TNS3: variants seen among roughly 807,000 people sequenced by gnomAD.
TNS3 encodes tensin 3, also known as tensin-3.
Under a neutral mutation model 140.9 loss-of-function variants are expected in TNS3, and 45 were observed. That is an observed-to-expected ratio of 0.32 (90% confidence interval 0.25 to 0.41). The LOEUF (loss-of-function observed/expected upper bound fraction) is 0.41, where lower values mean the gene tolerates loss of function less well. Ranked by LOEUF, TNS3 falls within the 10% of genes least tolerant of loss-of-function variation. The pLI is 1.00. For missense variants in TNS3, 1,716 were observed against 1,906.7 expected, an observed-to-expected ratio of 0.90 and a Z score of 1.86; for synonymous variants, 815 against 788.4, an observed-to-expected ratio of 1.03 and a Z score of -0.56.
chr7:47,410,406 G>C (rs1793701894), intron 13 of TNS3, among the ~76,000 whole-genome samples: 1 of 152,218 alleles, frequency 6.6e-6, no homozygotes, highest in African/African-American at 2.4e-5. Context: ...TCAATGCCTT[G>C]AAAAGGGCTG....
At chr7:47,453,462 T>C (rs1057346264) in intron 4 of TNS3, among the ~76,000 whole-genome samples, 1 of 152,110 alleles carries the variant, frequency 6.6e-6, no homozygotes, top group African/African-American at 2.4e-5. Context: ...CCACTGGCCT[T>C]CCTCCCTCCC....
intron 3 of TNS3, among the ~76,000 whole-genome samples, chr7:47,502,740 G>C (rs1168885018): frequency 6.6e-6 from 1 of 152,214 alleles, no homozygotes; most frequent in Non-Finnish European, 1.5e-5. Context: ...CGTAGCACCG[G>C]GACAGTGGAA....
rs569050728 is a variant in TNS3 at position 47,395,957 on chromosome 7, C to A, written c.1024+843G>T. Among the ~76,000 whole-genome samples the A allele has an allele frequency of 3.9e-5, 6 of 152,352 alleles. No individual in the cohort carries two copies. In the South Asian group the frequency reaches 6.2e-4, roughly 16 times the overall value. The stretch of plus-strand genomic sequence containing the variant: ...TGTCCTTTCTCACTAACCACAGACA[C>A]CCCCTTCCTGGAGTCATGGGAAGCT... On this transcript the variant is annotated intron_variant, in intron 16 of 30. Coordinates refer to ENST00000311160, the MANE Select transcript of TNS3 (RefSeq NM_022748.12).
chr7:47,468,483 C>G (rs921672040), intron 4 of TNS3, among the ~76,000 whole-genome samples: 1 of 151,758 alleles, frequency 6.6e-6, no homozygotes, highest in African/African-American at 2.4e-5. Context: ...TTTAATGTTC[C>G]CCTTCAGTAG....
At chr7:47,541,709 G>A (rs1382728183) in intron 1 of TNS3, among the ~76,000 whole-genome samples, 2 of 152,188 alleles carry the variant, frequency 1.3e-5, no homozygotes, top group East Asian at 3.9e-4. Flanking sequence ...AGCACTTTGT[G>A]AGGCTGAGGC....
chr7:47,401,230 C>T (rs1793145057), intron 13 of TNS3, among the ~76,000 whole-genome samples: 1 of 152,222 alleles, frequency 6.6e-6, no homozygotes, highest in African/African-American at 2.4e-5. Context: ...ACACCTAAAC[C>T]CTTTCAGACC....
chr7:47,459,161 T>C (rs893399123), intron 4 of TNS3, among the ~76,000 whole-genome samples: 8 of 152,212 alleles, frequency 5.3e-5, no homozygotes, highest in Non-Finnish European at 1.0e-4. Flanking sequence ...TTTCCCACTC[T>C]TATGAATGAT....
intron 1 of TNS3, among the ~76,000 whole-genome samples, chr7:47,564,635 C>CAAAAAAAAAAAAA (rs749603752): frequency 6.3e-4 from 19 of 30,198 alleles, no homozygotes; most frequent in Non-Finnish European, 7.7e-4. Flanking sequence ...GACTCCGTCT[C>CAAAAAAAAAAAAA]AAAAAAAAAA....
At chr7:47,510,383 G>C (rs1798565205) in intron 2 of TNS3, among the ~76,000 whole-genome samples, 1 of 152,176 alleles carries the variant, frequency 6.6e-6, no homozygotes, top group African/African-American at 2.4e-5. Context: ...CTCCTTTTTG[G>C]AATAGCAGTT....
At chr7:47,496,898 G>T (rs1400349022) in intron 3 of TNS3, among the ~76,000 whole-genome samples, 1 of 152,212 alleles carries the variant, frequency 6.6e-6, no homozygotes, top group Non-Finnish European at 1.5e-5. Context: ...CAGGAGGCTG[G>T]GGGGAGTAGA....
At chr7:47,474,117 AACACACACAC>A (rs35049083) in intron 4 of TNS3, among the ~76,000 whole-genome samples, 1 of 145,424 alleles carries the variant, frequency 6.9e-6, no homozygotes, top group African/African-American at 2.6e-5. Flanking sequence ...AGCAAGTCTC[AACACACACAC>A]ACACACACAC....
At chr7:47,485,441 G>A (rs1797576652) in intron 3 of TNS3, among the ~76,000 whole-genome samples, 1 of 152,212 alleles carries the variant, frequency 6.6e-6, no homozygotes, top group Non-Finnish European at 1.5e-5. Flanking sequence ...GACTCCAGCT[G>A]GTGCCCCAGC....
chr7:47,389,076 A>AGAAAGAGGAAGCGGAAGC (rs1792306465), intron 16 of TNS3, among the ~76,000 whole-genome samples: 1 of 58,282 alleles, frequency 1.7e-5, no homozygotes, highest in African/African-American at 7.8e-5. Context: ...GAAGAAGAAG[A>AGAAAGAGGAAGCGGAAGC]AGAAGAAGAG....
chr7:47,290,400 G>A (rs1785632936), intron 27 of TNS3, among the ~76,000 whole-genome samples: 1 of 152,112 alleles, frequency 6.6e-6, no homozygotes, highest in Non-Finnish European at 1.5e-5. Flanking sequence ...CTCTGTAGAA[G>A]AATGAAAAGG....
chr7:47,430,947 T>C (rs1794901678), intron 8 of TNS3, among the ~76,000 whole-genome samples: 1 of 152,032 alleles, frequency 6.6e-6, no homozygotes, highest in South Asian at 2.1e-4. Context: ...GGTCTCGAAC[T>C]CCTGACCTCA....
At chr7:47,540,337 C>T (rs1174655226) in intron 1 of TNS3, among the ~76,000 whole-genome samples, 1 of 152,128 alleles carries the variant, frequency 6.6e-6, no homozygotes, top group Non-Finnish European at 1.5e-5. Context: ...ATCAGCAAAC[C>T]AGCCATCAGG....
rs1395075750 is a variant in TNS3, at chr7:47,303,559, C to G, written c.2848G>C (p.Val950Leu). ...ESSSSAERQW[V>L]ESSPKPMVSL... ...ACCATGGGCTTGGGGCTGCTCTCCA[C>G]CCACTGGCGTTCTGCAGAAGAGGAG... is the stretch of plus-strand genomic sequence containing the variant. Residue 950 changes from valine to leucine, a missense_variant, in exon 22 of 31, where the codon GTG (valine) becomes CTG (leucine). This residue lies in a region of TNS3 where 1,163 missense variants were observed against 1,182.1 expected (regional missense o/e 0.98). Coordinates refer to ENST00000311160, the MANE Select transcript of TNS3 (RefSeq NM_022748.12). 6.3e-7 allele frequency: 1 copy of G among 1,598,980 alleles called. No individual in the cohort carries two copies. The highest frequency in any genetic ancestry group is 8.5e-7 in the Non-Finnish European group (1 of 1,177,012).
At chr7:47,466,692 A>C (rs1197519213) in intron 4 of TNS3, among the ~76,000 whole-genome samples, 1 of 152,182 alleles carries the variant, frequency 6.6e-6, no homozygotes, top group Non-Finnish European at 1.5e-5. Flanking sequence ...GGAGGCTTAC[A>C]ACCCTATGAC....
At chr7:47,503,681 A>T (rs1798309804) in intron 3 of TNS3, among the ~76,000 whole-genome samples, 1 of 152,202 alleles carries the variant, frequency 6.6e-6, no homozygotes, top group South Asian at 2.1e-4. Flanking sequence ...TTATGCAGGA[A>T]GAAAGTGAGG....
Sources: allele counts gnomAD v4.1 joint callset (sites outside exome capture counted in the v4.1 genomes callset), GRCh38; gene constraint gnomAD v4.1.1; regional missense constraint gnomAD v4.1.1; transcripts MANE v1.5; gene names NCBI Gene and HGNC (gene_info 2026-07-23, HGNC 2026-07-21).